The following VTCN1 variants were observed in gnomAD, a reference collection of about 807,000 sequenced individuals.
VTCN1 encodes V-set domain-containing T-cell activation inhibitor 1.
In VTCN1, 26 loss-of-function variants were observed where a neutral mutation model predicts 26.5. The ratio of observed to expected loss-of-function variants is 0.98; its 90% CI spans 0.72 to 1.36. The LOEUF (loss-of-function observed/expected upper bound fraction) is 1.36, where lower values mean the gene tolerates loss of function less well. Among genes scored for constraint, VTCN1 ranks in the 40% most tolerant of loss-of-function variants. The pLI, the probability that VTCN1 is intolerant of heterozygous loss-of-function variation, is 0.00. For missense variants in VTCN1, 298 were observed against 337.7 expected, an observed-to-expected ratio of 0.88 and a Z score of 0.92; for synonymous variants, 116 against 130.7, an observed-to-expected ratio of 0.89 and a Z score of 0.77.
chr1:117,144,283 C>T lies in VTCN1; in HGVS notation c.*988G>A, dbSNP rs560939379. 6.6e-6 allele frequency: 1 copy of T among 152,320 alleles called. No homozygotes were observed. Among genetic ancestry groups the T allele is most frequent in the South Asian group, 2.1e-4 (1 of 4,816 alleles). The allele number at this position is 152,320 out of a possible 1,614,324, so 9.4% of individuals were successfully genotyped here. On this transcript the variant is annotated 3_prime_UTR_variant, in exon 6 of 6. Transcript: ENST00000369458. ...TACATGGTAGGAGGTTGAGCAGCAT[C>T]CCTGGCCTCTATCCACTAGTTGGTA...
chr1:117,208,451 C>T (rs1280160839), intron 1 of VTCN1, among the ~76,000 whole-genome samples: 2 of 152,090 alleles, frequency 1.3e-5, no homozygotes, highest in Non-Finnish European at 2.9e-5. Context: ...AAGGGTGGCG[C>T]GTTAGAGTTG....
At chr1:117,206,089 G>A (rs994265946) in intron 1 of VTCN1, among the ~76,000 whole-genome samples, 2 of 151,974 alleles carry the variant, frequency 1.3e-5, no homozygotes, top group Admixed American at 1.3e-4. Context: ...CTCAGGTTTA[G>A]AGAAGGATTG....
At chr1:117,201,073 G>A (rs1197603613) in intron 1 of VTCN1, among the ~76,000 whole-genome samples, 1 of 152,132 alleles carries the variant, frequency 6.6e-6, no homozygotes, top group Non-Finnish European at 1.5e-5. Flanking sequence ...AAACCACCCT[G>A]CCCAGACAAT....
intron 1 of VTCN1, among the ~76,000 whole-genome samples, chr1:117,207,609 C>T (rs1017642653): frequency 1.6e-4 from 25 of 152,154 alleles, no homozygotes; most frequent in Admixed American, 1.0e-3. Context: ...CCTGACCTCT[C>T]CTAGTTTTAG....
chr1:117,206,654 GAA>G (rs1649086753), intron 1 of VTCN1, among the ~76,000 whole-genome samples: 2 of 103,534 alleles, frequency 1.9e-5, no homozygotes, highest in Non-Finnish European at 4.0e-5. Flanking sequence ...ACAGGCACAG[GAA>G]CAGATATTCA....
Position 117,156,780 on chromosome 1 carries a change from AC to A in VTCN1, c.238del (p.Val80SerfsTer29). 6.2e-7 allele frequency: 1 copy of A among 1,614,122 alleles called. No individual in the cohort carries two copies. Among genetic ancestry groups the A allele is most frequent in the Non-Finnish European group, 8.5e-7 (1 of 1,180,018 alleles). ...ATCTTTGCCTTCTTTGAACTCATGG[AC>A]CAAGCCTAAAACACCTTCCTTCAGC... is the stretch of plus-strand genomic sequence containing the variant. ...QWLKEGVLGL[V>X]HEFKEGKDEL... is the part of the protein sequence containing the mutation. On this transcript the variant is annotated frameshift_variant, in exon 3 of 6. Coordinates refer to ENST00000369458, the MANE Select transcript of VTCN1 (RefSeq NM_024626.4). LOFTEE classifies it high-confidence loss of function.
At chr1:117,164,622 G>C (rs951710199) in intron 2 of VTCN1, among the ~76,000 whole-genome samples, 1 of 152,154 alleles carries the variant, frequency 6.6e-6, no homozygotes, top group Non-Finnish European at 1.5e-5. Flanking sequence ...TTCTCACAAT[G>C]ACCCTGCCTA....
intron 1 of VTCN1, among the ~76,000 whole-genome samples, chr1:117,184,615 G>A (rs1330860590): frequency 1.3e-5 from 2 of 152,154 alleles, no homozygotes; most frequent in South Asian, 4.1e-4. Context: ...ATATTTCTGA[G>A]CTTCAGGGAA....
chr1:117,169,920 A>C lies in VTCN1; in HGVS notation c.97+187T>G, dbSNP rs529842722. Among the ~76,000 whole-genome samples, 1 of 152,298 alleles carries C rather than the reference A, an allele frequency of 6.6e-6. No individual in the cohort carries two copies. Among genetic ancestry groups the C allele is most frequent in the East Asian group, 1.9e-4 (1 of 5,192 alleles). ...AAAATAAATAAATAAATAATAAAAAATGAGGACACTGAAGTCGAGGACTTA... is the reference window on the plus strand; with the variant it reads ...AAAATAAATAAATAAATAATAAAAACTGAGGACACTGAAGTCGAGGACTTA... On this transcript the variant is annotated intron_variant, in intron 2 of 5. Coordinates refer to ENST00000369458, the MANE Select transcript of VTCN1 (RefSeq NM_024626.4). This position sits in a 1 kb window ranked among gnomAD's most constrained non-coding sequence, Gnocchi z 4.0.
intron 1 of VTCN1, among the ~76,000 whole-genome samples, chr1:117,201,670 G>A (rs2101601728): frequency 6.6e-6 from 1 of 152,352 alleles, no homozygotes; most frequent in East Asian, 1.9e-4. Flanking sequence ...AGGTGAAGGT[G>A]ACCACTGTGG....
At position 117,164,961 on chromosome 1, in the gene VTCN1, A is replaced by G. The variant is rs111887313; in HGVS notation, c.97+5146T>C. Among the ~76,000 whole-genome samples, 7 of 152,356 alleles carry G rather than the reference A, an allele frequency of 4.6e-5. 1 individual carries two copies. Among genetic ancestry groups the G allele is most frequent in the African/African-American group, 1.7e-4 (7 of 41,586 alleles). ...AGAATTTGTAAGGAGGAGGATGGCT[A>G]TGAGAAGGTGGCATATACAGCATCA... On this transcript the variant is annotated intron_variant, in intron 2 of 5. Transcript: ENST00000369458.
intron 1 of VTCN1, chr1:117,173,394 C>A: frequency 2.5e-6 from 1 of 399,964 alleles, no homozygotes; most frequent in Non-Finnish European, 4.4e-6. Flanking sequence ...ACACACAACA[C>A]CATGTAAAGA....
intron 4 of VTCN1, among the ~76,000 whole-genome samples, chr1:117,148,737 CA>C (rs947786484): frequency 1.8e-4 from 28 of 152,096 alleles, no homozygotes; most frequent in Non-Finnish European, 3.5e-4. Flanking sequence ...AAGAGAAGGA[CA>C]AAAAAATAAG....
At position 117,167,079 on chromosome 1, in the gene VTCN1, C is replaced by G. The variant is rs1270502613; in HGVS notation, c.97+3028G>C. ...CTGTACTCCAGCCTGAGCGACAGAG[C>G]AAGACTGTCTCAAAAAAAAAAAAAA... On this transcript the variant is annotated intron_variant, in intron 2 of 5. Coordinates refer to ENST00000369458, the MANE Select transcript of VTCN1 (RefSeq NM_024626.4). The surrounding 1 kb of genome is among the most constrained non-coding windows in gnomAD (Gnocchi z 4.1). Among the ~76,000 whole-genome samples the G allele has an allele frequency of 7.8e-6, 1 of 127,856 alleles. No homozygotes were observed. The highest frequency in any genetic ancestry group is 3.5e-5 in the African/African-American group (1 of 28,278). The allele number at this position is 127,856 out of a possible 152,430, so 83.9% of individuals were successfully genotyped here.
At position 117,159,012 on chromosome 1, in the gene VTCN1, C is replaced by T. The variant is rs1378087937; in HGVS notation, c.98-2091G>A. Among the ~76,000 whole-genome samples, 4 of 152,162 alleles carry T rather than the reference C, an allele frequency of 2.6e-5. No individual in the cohort carries two copies. The highest frequency in any genetic ancestry group is 5.9e-5 in the Non-Finnish European group (4 of 68,032). On this transcript the variant is annotated intron_variant, in intron 2 of 5. Coordinates refer to ENST00000369458, the MANE Select transcript of VTCN1 (RefSeq NM_024626.4). The surrounding 1 kb of genome is among the most constrained non-coding windows in gnomAD (Gnocchi z 4.7). ...CCACTTCAGTCTGGACCTTATTGTC[C>T]ATATCACTATAAGGCTTTTGGTCAA...
chr1:117,189,204 T>C (rs1461774701), intron 1 of VTCN1, among the ~76,000 whole-genome samples: 1 of 152,188 alleles, frequency 6.6e-6, no homozygotes, highest in African/African-American at 2.4e-5. Context: ...CTCAAAACTC[T>C]CTCTGAAGTT....
chr1:117,193,444 G>GCTCTTCTTATAA (rs1648350139), intron 1 of VTCN1, among the ~76,000 whole-genome samples: 1 of 152,136 alleles, frequency 6.6e-6, no homozygotes, highest in Non-Finnish European at 1.5e-5. Flanking sequence ...GAAGAGCAAT[G>GCTCTTCTTATAA]GCTATGCTTA....
intron 1 of VTCN1, among the ~76,000 whole-genome samples, chr1:117,199,044 G>A (rs1294678922): frequency 6.6e-6 from 1 of 152,200 alleles, no homozygotes; most frequent in Non-Finnish European, 1.5e-5. Context: ...GAAGGTGGGA[G>A]AAGGCCCTAG....
At chr1:117,207,133 CTT>C (rs1203564318) in intron 1 of VTCN1, among the ~76,000 whole-genome samples, 2 of 152,276 alleles carry the variant, frequency 1.3e-5, no homozygotes, top group East Asian at 1.9e-4. Flanking sequence ...AGCTTGCAAA[CTT>C]AGGAGAAATG....
Sources: gnomAD v4.1 joint callset for allele counts (sites outside exome capture counted in the v4.1 genomes callset) on GRCh38, gnomAD v4.1.1 for gene constraint, Gnocchi (gnomAD v3.1) non-coding constraint, MANE v1.5 for transcripts, NCBI Gene and HGNC (gene_info 2026-07-23, HGNC 2026-07-21) for gene names.